KIAA1549L: variants seen among roughly 807,000 people sequenced by gnomAD.
The protein encoded by KIAA1549L is UPF0606 protein KIAA1549L.
KIAA1549L carries 88 observed loss-of-function variants against 160.7 expected under a neutral mutation model. The ratio of observed to expected loss-of-function variants is 0.55; its 90% CI spans 0.46 to 0.65. KIAA1549L has a LOEUF of 0.65. Ranked by LOEUF, KIAA1549L falls within the 30% of genes least tolerant of loss-of-function variation. KIAA1549L has a pLI of 0.00. For synonymous variants in KIAA1549L, 950 were observed against 976.7 expected, an observed-to-expected ratio of 0.97 and a Z score of 0.51; for missense variants, 2,258 against 2,437.5, an observed-to-expected ratio of 0.93 and a Z score of 1.55.
intron 1 of KIAA1549L, among the ~76,000 whole-genome samples, chr11:33,421,319 G>C (rs116926862): frequency 6.6e-6 from 1 of 152,144 alleles, no homozygotes; most frequent in South Asian, 2.1e-4. Flanking sequence ...TGAGCAGATC[G>C]GAGAGGAAAG....
At position 33,551,156 on chromosome 11, in the gene KIAA1549L, C is replaced by A; in HGVS notation, c.3618C>A (p.Asn1206Lys). The A allele has an allele frequency of 6.2e-7, 1 of 1,613,944 alleles. No homozygotes were observed. The highest frequency in any genetic ancestry group is 1.1e-5 in the South Asian group (1 of 91,078). The change falls in exon 5 of 21, where the codon AAC (asparagine) becomes AAA (lysine). Residue 1206 changes from asparagine (N) to lysine (K), a missense_variant. By Grantham distance (94) the Asn-to-Lys change is moderately conservative. Around this residue, in one of 6 missense-constraint regions of KIAA1549L, gnomAD observed 1,359 missense variants for 1,546.6 expected, o/e 0.88. Transcript: ENST00000658780. ...IEMLGVYGVS[N>K]VTADLKQHTP... ...TGCTGGGTGTGTATGGAGTCAGCAA[C>A]GTCACTGCAGACCTGAAGCAACACA...
chr11:33,553,015 G>C (rs956602513), intron 6 of KIAA1549L, among the ~76,000 whole-genome samples: 1 of 152,154 alleles, frequency 6.6e-6, no homozygotes, highest in Admixed American at 6.5e-5. Context: ...CATGAGTGAG[G>C]AGGAAGTAAG....
intron 1 of KIAA1549L, among the ~76,000 whole-genome samples, chr11:33,416,180 C>G (rs189386563): frequency 6.6e-6 from 1 of 152,142 alleles, no homozygotes; most frequent in African/African-American, 2.4e-5. Context: ...TGATGTGTCA[C>G]CGCCTTCTTG....
chr11:33,621,743 C>A (rs1286463327), intron 16 of KIAA1549L, among the ~76,000 whole-genome samples: 2 of 152,106 alleles, frequency 1.3e-5, no homozygotes, highest in Non-Finnish European at 1.5e-5. Flanking sequence ...AAATTATTTA[C>A]CCCAGTATGT....
At chr11:33,380,264 C>G (rs1035240104) in intron 1 of KIAA1549L, among the ~76,000 whole-genome samples, 2 of 152,184 alleles carry the variant, frequency 1.3e-5, no homozygotes, top group African/African-American at 2.4e-5. Context: ...CAATACCCAG[C>G]ACAGAACAGG....
intron 1 of KIAA1549L, among the ~76,000 whole-genome samples, chr11:33,504,773 TTTTC>T (rs1331835926): frequency 1.3e-5 from 2 of 152,062 alleles, no homozygotes; most frequent in Admixed American, 1.3e-4. Flanking sequence ...CGGCCACAGA[TTTTC>T]TTTCTTTTAG....
chr11:33,551,359 A>AT (rs1347099731), intron 5 of KIAA1549L, 100 bp downstream of exon 5: 1 of 991,232 alleles, frequency 1.0e-6, no homozygotes. Flanking sequence ...CTGCTGTGTC[A>AT]TTTTTTAGTC....
intron 1 of KIAA1549L, among the ~76,000 whole-genome samples, chr11:33,536,319 T>G (rs1230649366): frequency 1.3e-5 from 2 of 152,222 alleles, no homozygotes; most frequent in East Asian, 3.8e-4. Context: ...TTGGGACGAT[T>G]CAGACAGCTG....
intron 1 of KIAA1549L, among the ~76,000 whole-genome samples, chr11:33,505,359 T>C (rs1263951331): frequency 6.6e-6 from 1 of 152,218 alleles, no homozygotes; most frequent in Non-Finnish European, 1.5e-5. Context: ...TCAATGATGA[T>C]TGAAAACTTT....
At chr11:33,571,593 G>A (rs1464201813) in intron 9 of KIAA1549L, among the ~76,000 whole-genome samples, 3 of 152,130 alleles carry the variant, frequency 2.0e-5, no homozygotes, top group Non-Finnish European at 4.4e-5. Flanking sequence ...CATGGCAGGA[G>A]TAGAAGCAAG....
chr11:33,653,352 A>T (rs1365307691), intron 17 of KIAA1549L, among the ~76,000 whole-genome samples: 1 of 152,230 alleles, frequency 6.6e-6, no homozygotes, highest in East Asian at 1.9e-4. Context: ...GTACTTCTGG[A>T]TCTGGGCAGA....
intron 16 of KIAA1549L, among the ~76,000 whole-genome samples, chr11:33,640,166 T>C (rs977791535): frequency 1.1e-4 from 17 of 152,160 alleles, no homozygotes; most frequent in Admixed American, 9.8e-4. Context: ...TACATATATA[T>C]GTATATGTGT....
At chr11:33,433,536 C>A (rs1851294427) in intron 1 of KIAA1549L, among the ~76,000 whole-genome samples, 1 of 152,152 alleles carries the variant, frequency 6.6e-6, no homozygotes, top group Non-Finnish European at 1.5e-5. Flanking sequence ...TATGGTGATC[C>A]CTCAAGGACC....
intron 1 of KIAA1549L, among the ~76,000 whole-genome samples, chr11:33,490,296 G>A (rs887516946): frequency 4.0e-5 from 6 of 151,536 alleles, no homozygotes; most frequent in Non-Finnish European, 5.9e-5. Context: ...GTGTAGTATG[G>A]AAGTTGACAG....
intron 1 of KIAA1549L, among the ~76,000 whole-genome samples, chr11:33,512,672 C>T (rs990134851): frequency 4.6e-5 from 7 of 152,294 alleles, no homozygotes; most frequent in South Asian, 2.1e-4. Flanking sequence ...CCAACCTCCT[C>T]GGCTTCCTGA....
intron 1 of KIAA1549L, among the ~76,000 whole-genome samples, chr11:33,500,131 A>G (rs539306728): frequency 6.6e-6 from 1 of 152,232 alleles, no homozygotes; most frequent in Non-Finnish European, 1.5e-5. Flanking sequence ...TACAATAAAA[A>G]TTTTGAGATT....
intron 1 of KIAA1549L, among the ~76,000 whole-genome samples, chr11:33,496,996 C>A (rs1485639510): frequency 6.6e-6 from 1 of 152,124 alleles, no homozygotes; most frequent in East Asian, 1.9e-4. Flanking sequence ...TTCTTTCTGC[C>A]TAGAATCTCT....
chr11:33,443,783 G>A (rs999803314), intron 1 of KIAA1549L, among the ~76,000 whole-genome samples: 21 of 152,030 alleles, frequency 1.4e-4, no homozygotes, highest in African/African-American at 4.8e-4. Context: ...CCTTGAAGAG[G>A]CACCCAGAAT....
chr11:33,662,675 C>A (rs531064196), intron 20 of KIAA1549L, among the ~76,000 whole-genome samples: 1 of 152,216 alleles, frequency 6.6e-6, no homozygotes, highest in Non-Finnish European at 1.5e-5. Flanking sequence ...TTTGACACTT[C>A]ACCTGTTGTG....
Sources: allele counts gnomAD v4.1 joint callset (sites outside exome capture counted in the v4.1 genomes callset), GRCh38; gene constraint gnomAD v4.1.1; regional missense constraint gnomAD v4.1.1; transcripts MANE v1.5; gene names NCBI Gene and HGNC (gene_info 2026-07-23, HGNC 2026-07-21).